The following MAPK9 variants were observed in gnomAD, a reference collection of about 807,000 sequenced individuals.
MAPK9 encodes the protein mitogen-activated protein kinase 9, also known as Jun kinase.
MAPK9 carries 30 observed loss-of-function variants against 57.1 expected under a neutral mutation model. That is an observed-to-expected ratio of 0.53 (90% CI 0.39 to 0.71). The LOEUF is 0.71. Among genes scored for constraint, MAPK9 ranks in the 30% least tolerant of loss-of-function variants. The pLI is 0.00. For synonymous variants in MAPK9, 155 were observed against 177.0 expected, an observed-to-expected ratio of 0.88 and a Z score of 0.99; for missense variants, 362 against 521.0, an observed-to-expected ratio of 0.69 and a Z score of 2.97.
chr5:180,251,975 C>T (rs1200823756), intron 5 of MAPK9, among the ~76,000 whole-genome samples: 1 of 152,172 alleles, frequency 6.6e-6, no homozygotes, highest in Non-Finnish European at 1.5e-5. Context: ...TGTGGCCACC[C>T]ACCGGGTAAG....
At chr5:180,272,141 T>C (rs1761389004) in intron 2 of MAPK9, among the ~76,000 whole-genome samples, 1 of 152,190 alleles carries the variant, frequency 6.6e-6, no homozygotes, top group Non-Finnish European at 1.5e-5. Context: ...AGACCTGCCA[T>C]GCAGCCACCA....
chr5:180,238,223 T>A, intron 11 of MAPK9, 109 bp downstream of exon 11: 2 of 744,762 alleles, frequency 2.7e-6, no homozygotes, highest in Non-Finnish European at 4.5e-6. Flanking sequence ...TGAGCAGAGA[T>A]CGCGCCGCTG....
At chr5:180,254,214 G>A (rs1024476118) in intron 5 of MAPK9, among the ~76,000 whole-genome samples, 7 of 152,092 alleles carry the variant, frequency 4.6e-5, no homozygotes, top group Non-Finnish European at 8.8e-5. Flanking sequence ...TGATCTGCCC[G>A]CCTCAGTCTC....
At chr5:180,262,335 G>A (rs569520504) in intron 4 of MAPK9, among the ~76,000 whole-genome samples, 5 of 151,958 alleles carry the variant, frequency 3.3e-5, no homozygotes, top group South Asian at 2.1e-4. Flanking sequence ...CCCACTCCCC[G>A]CTTAGCAACG....
Position 180,233,516 on chromosome 5 carries a change from A to G in MAPK9, c.*2868T>C, listed in dbSNP as rs1756978432. 6.6e-6 allele frequency: 1 copy of G among 152,248 alleles called. No homozygotes were observed. Among genetic ancestry groups the G allele is most frequent in the African/African-American group, 2.4e-5 (1 of 41,460 alleles). 9.4% of individuals were successfully genotyped at this position (152,248 alleles called of 1,614,324 possible). On this transcript the variant is annotated 3_prime_UTR_variant, in exon 12 of 12. Transcript: ENST00000452135. Reference sequence around the variant, plus strand: ...TTTATCATCTATCTGTGTTCATGTTAAATCTGTCATCAGAGATGGTGATGG... The same window carrying G: ...TTTATCATCTATCTGTGTTCATGTTGAATCTGTCATCAGAGATGGTGATGG...
intron 4 of MAPK9, among the ~76,000 whole-genome samples, chr5:180,263,851 CCCCGCCACCACG>C (rs909240730): frequency 5.3e-5 from 8 of 151,142 alleles, no homozygotes; most frequent in African/African-American, 1.9e-4. Flanking sequence ...GACTACAGGC[CCCCGCCACCACG>C]CCCGGCTGAT....
chr5:180,279,926 G>A (rs925817987), intron 2 of MAPK9: 12 of 456,518 alleles, frequency 2.6e-5, no homozygotes, highest in African/African-American at 1.2e-4. Flanking sequence ...AGGAAGAGAT[G>A]GCCAGCCCAA....
At position 180,291,949 on chromosome 5, in the gene MAPK9, G is replaced by GCCCGC. The variant is rs1157610131; in HGVS notation, c.-154_-150dup. 6.9e-6 allele frequency: 1 copy of GCCCGC among 145,458 alleles called. No individual in the cohort carries two copies. The highest frequency in any genetic ancestry group is 2.1e-4 in the East Asian group (1 of 4,788). 9.0% of individuals were successfully genotyped at this position (145,458 alleles called of 1,614,324 possible). ...CTCCGCGGCCCCGGCTCCGCCGCCGGCCCGCCCCGCTCCGCTCCGCCCCGC... is the reference window on the plus strand; with the variant it reads ...CTCCGCGGCCCCGGCTCCGCCGCCGGCCCGCCCCGCCCCGCTCCGCTCCGCCCCGC... On this transcript the variant is annotated 5_prime_UTR_variant, in exon 1 of 12. Coordinates refer to ENST00000452135, the MANE Select transcript of MAPK9 (RefSeq NM_002752.5).
At position 180,236,225 on chromosome 5, in the gene MAPK9, TA is replaced by T; in HGVS notation, c.*158del. 1 of 694,874 alleles carries T rather than the reference TA, an allele frequency of 1.4e-6. No individual in the cohort carries two copies. 43.0% of individuals were successfully genotyped at this position (694,874 alleles called of 1,614,324 possible). A position where few individuals can be genotyped will look rare whatever the true frequency, so the allele number is the denominator to read the frequency against. On this transcript the variant is annotated 3_prime_UTR_variant, in exon 12 of 12. Transcript: ENST00000452135. ...ACATATTCTGCCTCATTTTATCATCTAAGCAGGCAATCCTATCAGGTCTGAG... is the reference window on the plus strand; with the variant it reads ...ACATATTCTGCCTCATTTTATCATCTAGCAGGCAATCCTATCAGGTCTGAG...
At chr5:180,263,886 T>C (rs1480530459) in intron 4 of MAPK9, among the ~76,000 whole-genome samples, 2 of 152,050 alleles carry the variant, frequency 1.3e-5, no homozygotes, top group Non-Finnish European at 2.9e-5. Flanking sequence ...TTTGTATTTT[T>C]AGTAGAGACG....
intron 4 of MAPK9, chr5:180,263,007 A>G (rs559562672): frequency 1.3e-5 from 2 of 152,338 alleles, no homozygotes; most frequent in South Asian, 4.2e-4. Context: ...TCCTACGTTC[A>G]ATTCAGACAT....
intron 1 of MAPK9, 69 bp from the exon 2 acceptor site, chr5:180,280,677 C>G: frequency 3.2e-6 from 4 of 1,258,964 alleles, no homozygotes; most frequent in Non-Finnish European, 4.3e-6. Flanking sequence ...TAAGAGAGTT[C>G]TGAACTTATT....
chr5:180,277,076 A>G (rs1761888233), intron 2 of MAPK9, among the ~76,000 whole-genome samples: 1 of 152,152 alleles, frequency 6.6e-6, no homozygotes, highest in Non-Finnish European at 1.5e-5. Context: ...GCCCTTCATA[A>G]AGCTCTAATT....
At chr5:180,246,941 T>C (rs1309327521) in intron 7 of MAPK9, 1 of 154,060 alleles carries the variant, frequency 6.5e-6, no homozygotes, top group Non-Finnish European at 1.4e-5. Context: ...CTCTTTCACT[T>C]AGGTCCTTTG....
At chr5:180,246,378 TAAATA>T (rs1758102781) in intron 7 of MAPK9, 3 of 152,114 alleles carry the variant, frequency 2.0e-5, no homozygotes. Flanking sequence ...TAAAGAAAGG[TAAATA>T]AAATGAGAGA....
At chr5:180,263,690 T>C (rs890964662) in intron 4 of MAPK9, among the ~76,000 whole-genome samples, 1 of 147,490 alleles carries the variant, frequency 6.8e-6, no homozygotes, top group Non-Finnish European at 1.5e-5. Context: ...CCCCAAAGTA[T>C]CTGCGGCACC....
intron 2 of MAPK9, 39 bp downstream of exon 2, chr5:180,280,400 CA>C: frequency 1.9e-6 from 3 of 1,586,756 alleles, no homozygotes; most frequent in Non-Finnish European, 1.7e-6. Context: ...TTTATTACAG[CA>C]AAAACTCAAT....
At chr5:180,271,621 TTTC>T (rs1172600820) in intron 2 of MAPK9, among the ~76,000 whole-genome samples, 2 of 152,250 alleles carry the variant, frequency 1.3e-5, no homozygotes, top group Non-Finnish European at 2.9e-5. Context: ...GTCTTCTGTA[TTTC>T]TTCTTTAGGA....
chr5:180,247,831 T>G lies in MAPK9; in HGVS notation c.617-321A>C, dbSNP rs371018333. 1 of 1,613,386 alleles carries G rather than the reference T, an allele frequency of 6.2e-7. No individual in the cohort carries two copies. Among genetic ancestry groups the G allele is most frequent in the Non-Finnish European group, 8.5e-7 (1 of 1,179,408 alleles). ...GCCCACCCCAGCCTCCATGGCCAAG[T>G]ACCGGGTCCCCTGTGAAGGATACAG... On this transcript the variant is annotated intron_variant, in intron 6 of 11. Transcript: ENST00000452135. The surrounding 1 kb of genome is among the most constrained non-coding windows in gnomAD (Gnocchi z 4.5).
Sources: allele counts gnomAD v4.1 joint callset (sites outside exome capture counted in the v4.1 genomes callset), GRCh38; gene constraint gnomAD v4.1.1; non-coding constraint Gnocchi (gnomAD v3.1); transcripts MANE v1.5; gene names NCBI Gene and HGNC (gene_info 2026-07-23, HGNC 2026-07-21).